NRXN1: variants seen among roughly 807,000 people sequenced by gnomAD.
NRXN1 encodes neurexin 1.
A neutral mutation model predicts 150.9 loss-of-function variants in NRXN1; 39 were observed. The observed-to-expected ratio is 0.26, with a 90% CI of 0.20 to 0.34. The LOEUF (loss-of-function observed/expected upper bound fraction) is 0.34, where lower values mean the gene tolerates loss of function less well. Ranked by LOEUF, NRXN1 falls within the 10% of genes least tolerant of loss-of-function variation. NRXN1 has a pLI of 1.00. For missense variants in NRXN1, 1,815 were observed against 1,949.9 expected (o/e 0.93, Z 1.30); for synonymous variants, 924 against 757.0 (o/e 1.22, Z -3.62).
At chr2:50,474,701 A>AAAAAAAG (rs2089835273) in intron 15 of NRXN1, among the ~76,000 whole-genome samples, 2 of 150,484 alleles carry the variant, frequency 1.3e-5, no homozygotes, top group Admixed American at 6.6e-5. Context: ...AAAAAAAAAA[A>AAAAAAAG]AAAAAGTCCA....
At chr2:50,424,021 G>A (rs1169867388) in intron 17 of NRXN1, among the ~76,000 whole-genome samples, 2 of 151,842 alleles carry the variant, frequency 1.3e-5, no homozygotes, top group African/African-American at 4.8e-5. Context: ...ATCCTGTGAG[G>A]CTGTGGGCCA....
intron 17 of NRXN1, among the ~76,000 whole-genome samples, chr2:50,260,976 T>C (rs1157614129): frequency 6.6e-6 from 1 of 151,672 alleles, no homozygotes; most frequent in Non-Finnish European, 1.5e-5. Flanking sequence ...TGTACAGTCT[T>C]CCTTCTTTTC....
chr2:50,570,093 G>A (rs1328638477), intron 8 of NRXN1, among the ~76,000 whole-genome samples: 1 of 152,132 alleles, frequency 6.6e-6, no homozygotes, highest in East Asian at 1.9e-4. Flanking sequence ...AATCTCTAAT[G>A]CCTCTACTGT....
chr2:50,940,912 A>C (rs1448703163), intron 2 of NRXN1, among the ~76,000 whole-genome samples: 1 of 152,198 alleles, frequency 6.6e-6, no homozygotes, highest in Non-Finnish European at 1.5e-5. Context: ...TGCCGGCCTG[A>C]GATAGAGATG....
At chr2:50,857,637 G>GC (rs907174334) in intron 5 of NRXN1, among the ~76,000 whole-genome samples, 30 of 152,138 alleles carry the variant, frequency 2.0e-4, no homozygotes, top group African/African-American at 7.2e-4. Flanking sequence ...GCTTCATCAT[G>GC]CCCCATGAGT....
intron 5 of NRXN1, among the ~76,000 whole-genome samples, chr2:50,899,166 G>T (rs1453893310): frequency 1.3e-5 from 2 of 152,122 alleles, no homozygotes; most frequent in Non-Finnish European, 2.9e-5. Flanking sequence ...TTTTAATCCT[G>T]ATTTTCACTT....
At chr2:50,912,488 C>A (rs1211923207) in intron 5 of NRXN1, among the ~76,000 whole-genome samples, 1 of 152,030 alleles carries the variant, frequency 6.6e-6, no homozygotes, top group Non-Finnish European at 1.5e-5. Flanking sequence ...GAAAGTGCCA[C>A]ATATTTTTAA....
chr2:50,011,599 T>C lies in NRXN1; in HGVS notation c.4128+41672A>G, dbSNP rs141060961. ...CAGCAGGCAGCTAGATTTATATTTA[T>C]ATAATTTTATAAAATAGGTTCTTGC... On this transcript the variant is annotated intron_variant, in intron 21 of 22. Coordinates refer to ENST00000401669, the MANE Select transcript of NRXN1 (RefSeq NM_001330078.2). Among the ~76,000 whole-genome samples, 4 of 152,104 alleles carry C rather than the reference T, an allele frequency of 2.6e-5. No homozygotes were observed. The East Asian group carries it at 5.8e-4, about 22-fold the overall frequency.
chr2:50,380,181 C>T (rs187390939), intron 17 of NRXN1, among the ~76,000 whole-genome samples: 3 of 152,078 alleles, frequency 2.0e-5, no homozygotes, highest in African/African-American at 7.2e-5. Context: ...TATAACCTTA[C>T]CATTGTGAAA....
At chr2:50,886,423 G>A (rs1680255698) in intron 5 of NRXN1, among the ~76,000 whole-genome samples, 1 of 151,250 alleles carries the variant, frequency 6.6e-6, no homozygotes, top group African/African-American at 2.4e-5. Flanking sequence ...ATATAATATT[G>A]TGGTTTCTAT....
chr2:50,557,731 A>G lies in NRXN1; in HGVS notation c.1321-4706T>C, dbSNP rs146310044. ...ATTGTTTTTATTAACATTATTATAAATAACATTTCTTATTCTTACATTGAA... is the reference window on the plus strand; with the variant it reads ...ATTGTTTTTATTAACATTATTATAAGTAACATTTCTTATTCTTACATTGAA... On this transcript the variant is annotated intron_variant, in intron 8 of 22. Transcript: ENST00000401669. 7.4e-4 allele frequency among the ~76,000 whole-genome samples: 112 copies of G among 152,350 alleles called. 2 individuals are homozygous for G. In the East Asian group the frequency reaches 0.02, roughly 28 times the overall value.
intron 12 of NRXN1, among the ~76,000 whole-genome samples, chr2:50,514,997 G>A (rs2092585654): frequency 6.6e-6 from 1 of 152,094 alleles, no homozygotes; most frequent in Non-Finnish European, 1.5e-5. Context: ...CCACCCCCCA[G>A]GCCACAGACA....
chr2:50,375,591 A>G (rs937950592), intron 17 of NRXN1, among the ~76,000 whole-genome samples: 7 of 150,384 alleles, frequency 4.7e-5, no homozygotes, highest in Non-Finnish European at 8.8e-5. Flanking sequence ...GAAACAGAAT[A>G]ATCTTTTAAA....
intron 5 of NRXN1, among the ~76,000 whole-genome samples, chr2:50,765,599 G>A (rs931229559): frequency 6.6e-6 from 1 of 151,990 alleles, no homozygotes; most frequent in African/African-American, 2.4e-5. Flanking sequence ...TGCACTATAG[G>A]ACACCAAATG....
At chr2:50,899,947 T>C (rs1188557810) in intron 5 of NRXN1, among the ~76,000 whole-genome samples, 1 of 152,188 alleles carries the variant, frequency 6.6e-6, no homozygotes, top group African/African-American at 2.4e-5. Flanking sequence ...GATGTACTGA[T>C]ATTAGGCACA....
chr2:50,079,046 A>T (rs1284633795), intron 19 of NRXN1, among the ~76,000 whole-genome samples: 1 of 152,034 alleles, frequency 6.6e-6, no homozygotes, highest in Non-Finnish European at 1.5e-5. Flanking sequence ...ATTTTTCTGT[A>T]TGGGTGAGCT....
intron 5 of NRXN1, among the ~76,000 whole-genome samples, chr2:50,742,108 G>A (rs1418799240): frequency 6.6e-6 from 1 of 152,066 alleles, no homozygotes; most frequent in African/African-American, 2.4e-5. Context: ...TAAACCACAG[G>A]TAATTTTATC....
At chr2:50,390,749 C>T (rs1216631352) in intron 17 of NRXN1, among the ~76,000 whole-genome samples, 1 of 151,970 alleles carries the variant, frequency 6.6e-6, no homozygotes, top group African/African-American at 2.4e-5. Context: ...TTGACCCCCA[C>T]CTCCCCTCAA....
At chr2:50,461,074 T>C (rs2104609854) in intron 17 of NRXN1, among the ~76,000 whole-genome samples, 1 of 152,172 alleles carries the variant, frequency 6.6e-6, no homozygotes, top group Admixed American at 6.6e-5. Flanking sequence ...GCTCAGACAC[T>C]GGATATTGGA....
Sources: allele counts gnomAD v4.1 joint callset (sites outside exome capture counted in the v4.1 genomes callset), GRCh38; gene constraint gnomAD v4.1.1; transcripts MANE v1.5; gene names NCBI Gene and HGNC (gene_info 2026-07-23, HGNC 2026-07-21).